ANK3: variants seen among roughly 807,000 people sequenced by gnomAD.
The protein encoded by ANK3 is ankyrin 3.
A neutral mutation model predicts 370.9 loss-of-function variants in ANK3; 57 were observed. The ratio of observed to expected loss-of-function variants is 0.15; its 90% CI spans 0.12 to 0.19. The LOEUF is 0.19. ANK3 is among the 10% of genes least tolerant of loss of function. The pLI, the probability that ANK3 is intolerant of heterozygous loss-of-function variation, is 1.00. For synonymous variants in ANK3, 1,929 were observed against 1,946.3 expected (o/e 0.99, Z 0.23); for missense variants, 4,439 against 5,302.1 (o/e 0.84, Z 5.06).
chr10:60,432,122 G>A (rs562921610), intron 2 of ANK3, among the ~76,000 whole-genome samples: 1 of 152,332 alleles, frequency 6.6e-6, no homozygotes, highest in Admixed American at 6.5e-5. Flanking sequence ...GATATTGGCA[G>A]TATCACATTA....
chr10:60,313,428 G>A (rs891777558), intron 1 of ANK3, among the ~76,000 whole-genome samples: 3 of 152,190 alleles, frequency 2.0e-5, no homozygotes, highest in Admixed American at 1.3e-4. Context: ...TAAGGAAAAA[G>A]TGCTGACTTC....
chr10:60,502,081 A>C (rs576338527), intron 2 of ANK3, among the ~76,000 whole-genome samples: 22 of 152,198 alleles, frequency 1.4e-4, no homozygotes, highest in African/African-American at 5.3e-4. Flanking sequence ...TTTAAGCAAA[A>C]TAATGGAAAA....
At chr10:60,323,074 C>T (rs77149069) in intron 1 of ANK3, among the ~76,000 whole-genome samples, 6 of 152,162 alleles carry the variant, frequency 3.9e-5, no homozygotes, top group East Asian at 1.9e-4. Flanking sequence ...GTAATCTACC[C>T]GGGAGATGAT....
chr10:60,362,917 C>A (rs1056073897), intron 1 of ANK3, among the ~76,000 whole-genome samples: 6 of 152,124 alleles, frequency 3.9e-5, no homozygotes, highest in African/African-American at 1.4e-4. Context: ...GACATTAGAG[C>A]TGGTCCTGGA....
intron 1 of ANK3, among the ~76,000 whole-genome samples, chr10:60,374,463 G>C (rs1439413828): frequency 6.6e-6 from 1 of 152,168 alleles, no homozygotes; most frequent in Non-Finnish European, 1.5e-5. Context: ...ATATGAGATA[G>C]AAGGAGTGAT....
chr10:60,425,379 A>G (rs1450712974), intron 2 of ANK3, among the ~76,000 whole-genome samples: 1 of 152,170 alleles, frequency 6.6e-6, no homozygotes, highest in African/African-American at 2.4e-5. Context: ...AGTATTCGGA[A>G]GAAATATTGG....
chr10:60,653,580 G>A (rs899934684), intron 1 of ANK3, among the ~76,000 whole-genome samples: 5 of 152,058 alleles, frequency 3.3e-5, no homozygotes, highest in East Asian at 1.9e-4. Context: ...TTTTTAAAAT[G>A]GCTTTTGGGC....
At position 60,072,612 on chromosome 10, in the gene ANK3, G is replaced by A. The variant is rs2082947161; in HGVS notation, c.8269C>T (p.Pro2757Ser). The change falls in exon 37 of 44, where the codon CCC becomes TCC. Residue 2757 changes from proline (P) to serine (S), a missense_variant. By Grantham distance (74) the Pro-to-Ser change is moderately conservative. Around this residue, in one of 13 missense-constraint regions of ANK3, gnomAD observed 1,601 missense variants for 1,731.7 expected, o/e 0.92. Transcript: ENST00000280772. ...TCTCTAGCAAAAACTTGGTAGACGGGTAGCTTGCTCTCCTGTATTTTTTTA... is the reference window on the plus strand; with the variant it reads ...TCTCTAGCAAAAACTTGGTAGACGGATAGCTTGCTCTCCTGTATTTTTTTA... ...PVKKIQESKL[P>S]VYQVFAREKQ... 2 of 1,613,890 alleles carry A rather than the reference G, an allele frequency of 1.2e-6. No individual in the cohort carries two copies. The highest frequency in any genetic ancestry group is 2.2e-5 in the South Asian group (2 of 91,050).
chr10:60,647,396 C>T (rs776650475), intron 1 of ANK3, among the ~76,000 whole-genome samples: 3 of 152,154 alleles, frequency 2.0e-5, no homozygotes, highest in East Asian at 1.9e-4. Flanking sequence ...TCATGTACAA[C>T]GCCATGCTGC....
rs55989975 is a variant in ANK3 at position 60,304,255 on chromosome 10, AACACACAC to A, written c.115-24624_115-24617del. Reference sequence around the variant, plus strand: ...GAAAGGGTAGATCTTAATTGTTCATAACACACACACACACACACACACAGCAAAAAAAT... The same window carrying A: ...GAAAGGGTAGATCTTAATTGTTCATAACACACACACACACAGCAAAAAAAT... On this transcript the variant is annotated intron_variant, in intron 1 of 43. Transcript: ENST00000280772. Among the ~76,000 whole-genome samples the A allele has an allele frequency of 2.4e-4, 36 of 150,264 alleles. No individual in the cohort carries two copies. The East Asian group carries it at 6.3e-3, about 26-fold the overall frequency.
intron 14 of ANK3, among the ~76,000 whole-genome samples, chr10:60,197,263 T>TA (rs2096601261): frequency 6.6e-6 from 1 of 152,182 alleles, no homozygotes; most frequent in African/African-American, 2.4e-5. Flanking sequence ...GTGAACTGAA[T>TA]AATGACACAT....
chr10:60,436,932 A>C (rs2064173462), intron 2 of ANK3, among the ~76,000 whole-genome samples: 1 of 152,256 alleles, frequency 6.6e-6, no homozygotes, highest in Non-Finnish European at 1.5e-5. Flanking sequence ...AGGACATTGC[A>C]GAGAATCAGT....
Position 60,072,285 on chromosome 10 carries a change from G to C in ANK3, c.8596C>G (p.Gln2866Glu). Residue 2866 changes from glutamine to glutamate, a missense_variant, in exon 37 of 44, where the codon CAG becomes GAG. Gln to Glu is a conservative substitution (Grantham distance 29, BLOSUM62 2). Around this residue, in one of 13 missense-constraint regions of ANK3, gnomAD observed 1,601 missense variants for 1,731.7 expected, o/e 0.92. Transcript: ENST00000280772. ...ESSGATNNKS[Q>E]KEKLSHVLVH... The stretch of plus-strand genomic sequence containing the variant: ...AGTACATGCGAAAGTTTTTCTTTCT[G>C]AGACTTATTGTTAGTGGCTCCCGAA... The C allele has an allele frequency of 6.2e-7, 1 of 1,614,084 alleles. No homozygotes were observed. The highest frequency in any genetic ancestry group is 8.5e-7 in the Non-Finnish European group (1 of 1,180,018).
chr10:60,090,657 T>A (rs955782557), intron 28 of ANK3, among the ~76,000 whole-genome samples: 1 of 152,246 alleles, frequency 6.6e-6, no homozygotes, highest in Non-Finnish European at 1.5e-5. Context: ...ATAAAACATA[T>A]TACAATGTTC....
chr10:60,433,418 C>T (rs1017824209), intron 2 of ANK3, among the ~76,000 whole-genome samples: 4 of 152,004 alleles, frequency 2.6e-5, no homozygotes, highest in Non-Finnish European at 4.4e-5. Context: ...GGTGAAACCC[C>T]GTCTCTACTA....
At chr10:60,389,291 G>A in intron 1 of ANK3, 134 bp downstream of exon 1, 1 of 810,712 alleles carries the variant, frequency 1.2e-6, no homozygotes, top group South Asian at 1.8e-5. Flanking sequence ...TTTATCATCT[G>A]TTCCCAATTT....
At chr10:60,059,688 G>A in intron 40 of ANK3, 1 of 1,604,236 alleles carries the variant, frequency 6.2e-7, no homozygotes, top group Non-Finnish European at 8.5e-7. Context: ...AAGGTATTGA[G>A]GATACTCACT....
chr10:60,117,126 A>T (rs1454454056), intron 25 of ANK3, among the ~76,000 whole-genome samples: 1 of 152,246 alleles, frequency 6.6e-6, no homozygotes, highest in Admixed American at 6.5e-5. Flanking sequence ...TAAACTAGAC[A>T]GATATTTTCA....
At position 60,070,108 on chromosome 10, in the gene ANK3, T is replaced by C; in HGVS notation, c.10773A>G (p.Glu3591=). The C allele has an allele frequency of 6.2e-7, 1 of 1,614,146 alleles. No individual in the cohort carries two copies. The highest frequency in any genetic ancestry group is 8.5e-7 in the Non-Finnish European group (1 of 1,179,984). ...GGTTAGGCTCACTAGTTGGGGTACTTTCATCAGTTGGCGTTCTGGCTGGCG... is the reference window on the plus strand; with the variant it reads ...GGTTAGGCTCACTAGTTGGGGTACTCTCATCAGTTGGCGTTCTGGCTGGCG... The part of the protein sequence containing the change: ...DTTPARTPTD[E]STPTSEPNPF... The change falls in exon 37 of 44, where the codon GAA becomes GAG. Residue 3591 remains glutamate, a synonymous_variant. Transcript: ENST00000280772. The surrounding 1 kb of genome is among the most constrained non-coding windows in gnomAD (Gnocchi z 5.7).
Sources: gnomAD v4.1 joint callset for allele counts (sites outside exome capture counted in the v4.1 genomes callset) on GRCh38, gnomAD v4.1.1 for gene constraint, gnomAD v4.1.1 regional missense constraint, Gnocchi (gnomAD v3.1) non-coding constraint, MANE v1.5 for transcripts, NCBI Gene and HGNC (gene_info 2026-07-23, HGNC 2026-07-21) for gene names.